The following EBF1 variants were observed in gnomAD, a reference collection of about 807,000 sequenced individuals.
The protein encoded by EBF1 is EBF transcription factor 1.
Under a neutral mutation model 68.4 loss-of-function variants are expected in EBF1, and 10 were observed. The observed-to-expected ratio is 0.15, with a 90% confidence interval of 0.09 to 0.25. The LOEUF (loss-of-function observed/expected upper bound fraction) is 0.25. Among genes scored for constraint, EBF1 ranks in the 10% least tolerant of loss-of-function variants. The pLI, the probability that EBF1 is intolerant of heterozygous loss-of-function variation, is 1.00. For missense variants in EBF1, 509 were observed against 794.4 expected, an observed-to-expected ratio of 0.64 and a Z score of 4.32; for synonymous variants, 298 against 299.8, an observed-to-expected ratio of 0.99 and a Z score of 0.06.
At chr5:159,098,650 G>A (rs574133588) in intron 1 of EBF1, among the ~76,000 whole-genome samples, 1 of 151,528 alleles carries the variant, frequency 6.6e-6, no homozygotes, top group East Asian at 1.9e-4. Context: ...TTAAGGGAAG[G>A]TGGGGGAAAG....
At chr5:159,059,590 C>T (rs984643) in intron 6 of EBF1, among the ~76,000 whole-genome samples, 8,470 of 152,184 alleles carry the variant, frequency 0.056, 805 homozygotes, top group African/African-American at 0.19. Flanking sequence ...CCCTTTGAAA[C>T]ATTAATCAAA....
At chr5:158,775,579 A>G (rs1202388679) in intron 10 of EBF1, among the ~76,000 whole-genome samples, 1 of 152,094 alleles carries the variant, frequency 6.6e-6, no homozygotes, top group Admixed American at 6.6e-5. Context: ...CAAACTTCTC[A>G]GAGAAAACAT....
intron 6 of EBF1, among the ~76,000 whole-genome samples, chr5:159,060,735 C>T (rs1261545448): frequency 6.6e-6 from 1 of 152,028 alleles, no homozygotes; most frequent in African/African-American, 2.4e-5. Flanking sequence ...TGGTATATCA[C>T]CCTCGTCCTT....
At chr5:159,092,512 G>T (rs1177646872) in intron 4 of EBF1, among the ~76,000 whole-genome samples, 1 of 152,168 alleles carries the variant, frequency 6.6e-6, no homozygotes, top group Non-Finnish European at 1.5e-5. Context: ...CTTTGAAAAG[G>T]TGTGAAATAC....
chr5:158,762,897 C>T (rs142766502), intron 10 of EBF1, among the ~76,000 whole-genome samples: 5 of 152,072 alleles, frequency 3.3e-5, no homozygotes, highest in Admixed American at 1.3e-4. Flanking sequence ...CACCTCTAAC[C>T]GCAGTATAAT....
chr5:159,079,782 T>G (rs1344850011), intron 5 of EBF1, among the ~76,000 whole-genome samples: 2 of 151,776 alleles, frequency 1.3e-5, no homozygotes. Flanking sequence ...CCCAGCTGAT[T>G]TTTGTATTTT....
At chr5:158,734,142 T>C (rs962719059) in intron 10 of EBF1, among the ~76,000 whole-genome samples, 6 of 152,186 alleles carry the variant, frequency 3.9e-5, no homozygotes, top group Non-Finnish European at 5.9e-5. Flanking sequence ...AACAAACATA[T>C]ATAGAATAAA....
intron 9 of EBF1, 63 bp from the exon 10 acceptor site, chr5:158,777,602 A>G (rs1775553905): frequency 2.0e-6 from 3 of 1,499,924 alleles, no homozygotes; most frequent in East Asian, 2.3e-5. Flanking sequence ...CAGTCTTCCT[A>G]ATAGCTCTCC....
At chr5:158,914,408 G>T (rs561094664) in intron 6 of EBF1, among the ~76,000 whole-genome samples, 1 of 152,270 alleles carries the variant, frequency 6.6e-6, no homozygotes, top group East Asian at 1.9e-4. Context: ...GAGGGGAAAG[G>T]TTCATGCCGC....
At chr5:158,837,757 C>T (rs897355980) in intron 7 of EBF1, among the ~76,000 whole-genome samples, 1 of 152,136 alleles carries the variant, frequency 6.6e-6, no homozygotes, top group African/African-American at 2.4e-5. Flanking sequence ...CACGGATGCT[C>T]TTTTAGGTTC....
chr5:159,005,135 T>TC (rs1190047514), intron 6 of EBF1, among the ~76,000 whole-genome samples: 1 of 152,162 alleles, frequency 6.6e-6, no homozygotes, highest in Non-Finnish European at 1.5e-5. Flanking sequence ...ATCCAGAACA[T>TC]CCCACAAGGG....
chr5:159,015,774 C>T (rs562344389), intron 6 of EBF1, among the ~76,000 whole-genome samples: 2 of 152,200 alleles, frequency 1.3e-5, no homozygotes, highest in Non-Finnish European at 2.9e-5. Flanking sequence ...TGGAGTTGTG[C>T]TCTAAGAACT....
At chr5:159,014,911 T>G (rs1765364764) in intron 6 of EBF1, among the ~76,000 whole-genome samples, 1 of 152,176 alleles carries the variant, frequency 6.6e-6, no homozygotes, top group Non-Finnish European at 1.5e-5. Flanking sequence ...CAGAAGAATA[T>G]GCTAGAGGGA....
intron 6 of EBF1, among the ~76,000 whole-genome samples, chr5:158,957,243 A>T: frequency 6.6e-6 from 1 of 152,248 alleles, no homozygotes; most frequent in East Asian, 1.9e-4. Flanking sequence ...ATAAAATTAT[A>T]GATATTTACC....
chr5:158,918,753 T>C (rs576635500), intron 6 of EBF1, among the ~76,000 whole-genome samples: 9 of 152,334 alleles, frequency 5.9e-5, no homozygotes, highest in Admixed American at 2.6e-4. Context: ...AAGTTATTAT[T>C]TATTTACCAA....
intron 10 of EBF1, among the ~76,000 whole-genome samples, chr5:158,763,938 C>G (rs1257671544): frequency 6.6e-6 from 1 of 152,150 alleles, no homozygotes; most frequent in Non-Finnish European, 1.5e-5. Flanking sequence ...GAGGACCTTT[C>G]CAACTCTAAA....
At chr5:159,087,633 A>T (rs2127990185) in intron 4 of EBF1, among the ~76,000 whole-genome samples, 1 of 152,148 alleles carries the variant, frequency 6.6e-6, no homozygotes, top group South Asian at 2.1e-4. Flanking sequence ...TATTCAATGG[A>T]TGCAATGCTG....
chr5:158,950,912 G>T (rs1454727433), intron 6 of EBF1, among the ~76,000 whole-genome samples: 1 of 152,182 alleles, frequency 6.6e-6, no homozygotes, highest in Non-Finnish European at 1.5e-5. Flanking sequence ...GCCAATTGTT[G>T]CCATGTGGGA....
chr5:159,041,106 T>G (rs1270253045), intron 6 of EBF1, among the ~76,000 whole-genome samples: 1 of 152,162 alleles, frequency 6.6e-6, no homozygotes, highest in African/African-American at 2.4e-5. Flanking sequence ...ACACCACAAT[T>G]TGGTACCCAT....
Sources: gnomAD v4.1 joint callset for allele counts (sites outside exome capture counted in the v4.1 genomes callset) on GRCh38, gnomAD v4.1.1 for gene constraint, MANE v1.5 for transcripts, NCBI Gene and HGNC (gene_info 2026-07-23, HGNC 2026-07-21) for gene names.